The following DNAJC16 variants were observed in gnomAD, a reference collection of about 807,000 sequenced individuals.
DNAJC16 encodes the protein DnaJ heat shock protein family (Hsp40) member C16.
In DNAJC16, 76 loss-of-function variants were observed where a neutral mutation model predicts 92.7. The observed-to-expected ratio is 0.82, with a 90% confidence interval of 0.68 to 0.99. The LOEUF is 0.99. Among genes scored for constraint, DNAJC16 ranks in the 50% least tolerant of loss-of-function variants. DNAJC16 has a pLI of 0.00. For synonymous variants in DNAJC16, 328 were observed against 358.7 expected (o/e 0.91, Z 0.97); for missense variants, 869 against 942.4 (o/e 0.92, Z 1.02).
chr1:15,560,864 T>C (rs1638674695), intron 8 of DNAJC16, among the ~76,000 whole-genome samples: 1 of 151,708 alleles, frequency 6.6e-6, no homozygotes. Flanking sequence ...GTCTCTCTGC[T>C]CCATTCCACT....
chr1:15,549,821 A>C (rs1638402085), intron 7 of DNAJC16, among the ~76,000 whole-genome samples: 1 of 151,124 alleles, frequency 6.6e-6, no homozygotes, highest in Non-Finnish European at 1.5e-5. Flanking sequence ...CCGTCTCAAA[A>C]AAAAAAAAAA....
intron 1 of DNAJC16, among the ~76,000 whole-genome samples, chr1:15,527,518 C>T (rs1036571968): frequency 6.6e-6 from 1 of 152,128 alleles, no homozygotes; most frequent in Admixed American, 6.5e-5. Flanking sequence ...TGAATAAGGA[C>T]GCTGATGCTT....
chr1:15,560,281 G>C (rs1348156703), intron 8 of DNAJC16: 1 of 152,190 alleles, frequency 6.6e-6, no homozygotes, highest in Non-Finnish European at 1.5e-5. Context: ...CTTTACAGAA[G>C]CACAGAATAT....
At chr1:15,545,614 A>C (rs1638283418) in intron 5 of DNAJC16, among the ~76,000 whole-genome samples, 1 of 152,180 alleles carries the variant, frequency 6.6e-6, no homozygotes, top group Non-Finnish European at 1.5e-5. Flanking sequence ...TGGAGACATG[A>C]AATAGCCCGC....
intron 14 of DNAJC16, 22 bp downstream of exon 14, chr1:15,567,291 T>C (rs1638839993): frequency 1.3e-6 from 2 of 1,598,432 alleles, no homozygotes; most frequent in African/African-American, 1.3e-5. Context: ...TGTGTGTGCA[T>C]GTATGTATGT....
In DNAJC16 at chr1:15,567,286, G is replaced by T; in HGVS notation, c.1949+17G>T. ...ATTTACTGGGTAAGCATGTGTGTGTGTGCATGTATGTATGTGTGTGAGAGA... is the reference window on the plus strand; with the variant it reads ...ATTTACTGGGTAAGCATGTGTGTGTTTGCATGTATGTATGTGTGTGAGAGA... On this transcript the variant is annotated intron_variant, in intron 14 of 14. Transcript: ENST00000375847. 1 of 1,605,922 alleles carries T rather than the reference G, an allele frequency of 6.2e-7. No individual in the cohort carries two copies. The highest frequency in any genetic ancestry group is 2.2e-5 in the East Asian group (1 of 44,622).
At chr1:15,538,275 G>C (rs772756745) in intron 4 of DNAJC16, among the ~76,000 whole-genome samples, 78 of 151,830 alleles carry the variant, frequency 5.1e-4, no homozygotes, top group Non-Finnish European at 8.8e-4. Flanking sequence ...GGTGCCTGTA[G>C]TCCCAGCTAC....
rs1250991200 is a variant in DNAJC16 at position 15,569,549 on chromosome 1, G to A, written c.*1372G>A. ...TGAGTTTGGACAGCTTCAAAGAGTG[G>A]TCCGTTCAAATGTCAAAGCAAGGTG... On this transcript the variant is annotated 3_prime_UTR_variant, in exon 15 of 15. Transcript: ENST00000375847. 6.6e-6 allele frequency: 1 copy of A among 152,082 alleles called. No homozygotes were observed. Among genetic ancestry groups the A allele is most frequent in the East Asian group, 1.9e-4 (1 of 5,194 alleles). 9.4% of individuals were successfully genotyped at this position (152,082 alleles called of 1,614,324 possible). A position where few individuals can be genotyped will look rare whatever the true frequency, so the allele number is the denominator to read the frequency against.
intron 2 of DNAJC16, among the ~76,000 whole-genome samples, chr1:15,531,029 T>G (rs569186565): frequency 2.6e-5 from 4 of 152,348 alleles, no homozygotes; most frequent in African/African-American, 7.2e-5. Context: ...GGCTTAGAGT[T>G]GGTAAATCTG....
At chr1:15,554,961 T>C (rs1288176739) in intron 7 of DNAJC16, among the ~76,000 whole-genome samples, 1 of 152,130 alleles carries the variant, frequency 6.6e-6, no homozygotes, top group African/African-American at 2.4e-5. Flanking sequence ...ATAAATTTTA[T>C]AATTTTCTCT....
At position 15,562,262 on chromosome 1, in the gene DNAJC16, T is replaced by G; in HGVS notation, c.1275T>G (p.Asn425Lys). ...TGAGATTTGTGCATGTCTACAGCAATCGGCAGCAGGAGTTTGCCGACACCT... is the reference window on the plus strand; with the variant it reads ...TGAGATTTGTGCATGTCTACAGCAAGCGGCAGCAGGAGTTTGCCGACACCT... ...DTVRFVHVYS[N>K]RQQEFADTLL... The change falls in exon 9 of 15, where the codon AAT (asparagine) becomes AAG (lysine). Residue 425 changes from asparagine (N) to lysine (K), a missense_variant. Transcript: ENST00000375847. 6.2e-7 allele frequency: 1 copy of G among 1,614,126 alleles called. No homozygotes were observed. Among genetic ancestry groups the G allele is most frequent in the Non-Finnish European group, 8.5e-7 (1 of 1,179,970 alleles).
At chr1:15,556,351 C>T (rs1638572382) in intron 7 of DNAJC16, among the ~76,000 whole-genome samples, 1 of 152,020 alleles carries the variant, frequency 6.6e-6, no homozygotes, top group Non-Finnish European at 1.5e-5. Flanking sequence ...TCTCCTGCCT[C>T]TCAGCCTCCT....
In DNAJC16 at chr1:15,529,265, C is replaced by T. The variant is rs150873018; in HGVS notation, c.160C>T (p.Arg54Trp). 277 of 1,606,438 alleles carry T rather than the reference C, an allele frequency of 1.7e-4. No homozygotes were observed. The highest frequency in any genetic ancestry group is 1.8e-4 in the Non-Finnish European group (210 of 1,174,384). The change falls in exon 2 of 15, where the codon CGG becomes TGG. Residue 54 changes from arginine to tryptophan, a missense_variant. Transcript: ENST00000375847. ...TAAAAAGGCTTATAAGAAGCTCGCCCGGGAATGGTAGGTGAAACAAAGAAA... is the reference window on the plus strand; with the variant it reads ...TAAAAAGGCTTATAAGAAGCTCGCCTGGGAATGGTAGGTGAAACAAAGAAA... ...DIKKAYKKLA[R>W]EWHPDKNKDP...
At chr1:15,528,327 G>C (rs1332103709) in intron 1 of DNAJC16, among the ~76,000 whole-genome samples, 1 of 152,144 alleles carries the variant, frequency 6.6e-6, no homozygotes, top group Admixed American at 6.6e-5. Context: ...CCAGCTACTG[G>C]GGAGGCTGAG....
rs775832887 is a variant in DNAJC16 at position 15,564,064 on chromosome 1, C to T, written c.1474C>T (p.Leu492=). Reference sequence around the variant, plus strand: ...CCAGCTGCGTAAAGATCCAGCTCTTCTGTCCTCTGAAGCAGTGCTTCCTGA... The same window carrying T: ...CCAGCTGCGTAAAGATCCAGCTCTTTTGTCCTCTGAAGCAGTGCTTCCTGA... ...LDQLRKDPAL[L]SSEAVLPDLT... The change falls in exon 10 of 15, where the codon CTG becomes TTG. Residue 492 remains leucine, a synonymous_variant. Transcript: ENST00000375847. 6.2e-7 allele frequency: 1 copy of T among 1,613,852 alleles called. No homozygotes were observed. Among genetic ancestry groups the T allele is most frequent in the Non-Finnish European group, 8.5e-7 (1 of 1,179,662 alleles).
At chr1:15,558,194 T>G (rs1638611505) in intron 7 of DNAJC16, among the ~76,000 whole-genome samples, 1 of 77,762 alleles carries the variant, frequency 1.3e-5, no homozygotes, top group African/African-American at 8.5e-5. Context: ...TTTTTTTTTT[T>G]TCTTGAGACA....
intron 3 of DNAJC16, among the ~76,000 whole-genome samples, chr1:15,535,131 C>A (rs538659399): frequency 1.3e-5 from 2 of 152,222 alleles, no homozygotes; most frequent in Non-Finnish European, 2.9e-5. Context: ...TTTTAGACTT[C>A]AAAGTTATTT....
At chr1:15,566,461 C>A in intron 13 of DNAJC16, 1 of 409,002 alleles carries the variant, frequency 2.4e-6, no homozygotes. Flanking sequence ...CTGTAAATGT[C>A]AATGAACGTA....
At chr1:15,544,183 C>CACAT (rs1638228542) in intron 4 of DNAJC16, among the ~76,000 whole-genome samples, 1 of 144,772 alleles carries the variant, frequency 6.9e-6, no homozygotes, top group East Asian at 2.2e-4. Context: ...CACACACACA[C>CACAT]ACATTTGTAA....
Sources: gnomAD v4.1 joint callset for allele counts (sites outside exome capture counted in the v4.1 genomes callset) on GRCh38, gnomAD v4.1.1 for gene constraint, MANE v1.5 for transcripts, NCBI Gene and HGNC (gene_info 2026-07-23, HGNC 2026-07-21) for gene names.